The following AGFG1 variants were observed in gnomAD, a reference collection of about 807,000 sequenced individuals.
AGFG1 encodes the protein arf-GAP domain and FG repeat-containing protein 1.
Under a neutral mutation model 60.6 loss-of-function variants are expected in AGFG1, and 10 were observed. The ratio of observed to expected loss-of-function variants is 0.16; its 90% confidence interval spans 0.10 to 0.28. The LOEUF is 0.28. Among genes scored for constraint, AGFG1 ranks in the 10% least tolerant of loss-of-function variants. AGFG1 has a pLI of 1.00. For missense variants in AGFG1, 537 were observed against 676.5 expected (o/e 0.79, Z 2.29); for synonymous variants, 247 against 242.9 (o/e 1.02, Z -0.16).
At chr2:227,523,345 GTAATA>G (rs1691878666) in intron 3 of AGFG1, among the ~76,000 whole-genome samples, 1 of 152,072 alleles carries the variant, frequency 6.6e-6, no homozygotes, top group Non-Finnish European at 1.5e-5. Context: ...GCTGTTAACT[GTAATA>G]TTACAAATGT....
In AGFG1 at chr2:227,556,558, C is replaced by G. The variant is rs1692975911; in HGVS notation, c.*2063C>G. 1 of 152,484 alleles carries G rather than the reference C, an allele frequency of 6.6e-6. No homozygotes were observed. The highest frequency in any genetic ancestry group is 1.5e-5 in the Non-Finnish European group (1 of 68,022). 9.4% of individuals were successfully genotyped at this position (152,484 alleles called of 1,614,324 possible). A position where few individuals can be genotyped will look rare whatever the true frequency, so the allele number is the denominator to read the frequency against. On this transcript the variant is annotated 3_prime_UTR_variant, in exon 13 of 13. Coordinates refer to ENST00000310078, the MANE Select transcript of AGFG1 (RefSeq NM_004504.5). ...ATTTCTGTTTTAGATTGTATCGGGT[C>G]CCAGTTGATTCATGTGTACAAAGTT...
At chr2:227,525,878 G>A (rs1691975221) in intron 5 of AGFG1, among the ~76,000 whole-genome samples, 1 of 152,144 alleles carries the variant, frequency 6.6e-6, no homozygotes, top group Admixed American at 6.5e-5. Context: ...CAGTACCCGA[G>A]TCCATTGCAT....
At position 227,481,899 on chromosome 2, in the gene AGFG1, G is replaced by C. The variant is rs1236587644; in HGVS notation, c.167+9311G>C. ...TTTTTTTTTTTTGAGACAGAGTCTC[G>C]CTGTTGCCCAGGTTGGAGTGCAGGG... On this transcript the variant is annotated intron_variant, in intron 1 of 12. Transcript: ENST00000310078. Among the ~76,000 whole-genome samples, 4 of 129,868 alleles carry C rather than the reference G, an allele frequency of 3.1e-5. No individual in the cohort carries two copies. The East Asian group carries it at 6.5e-4, about 21-fold the overall frequency. The allele number at this position is 129,868 out of a possible 152,430, so 85.2% of individuals were successfully genotyped here.
At chr2:227,511,663 T>C (rs184086010) in intron 2 of AGFG1, among the ~76,000 whole-genome samples, 50 of 152,324 alleles carry the variant, frequency 3.3e-4, no homozygotes, top group Admixed American at 2.2e-3. Flanking sequence ...GAATTTCTAT[T>C]GTGCATACAT....
Position 227,557,227 on chromosome 2 carries a change from T to C in AGFG1, c.*2732T>C, listed in dbSNP as rs1334805096. 1.3e-5 allele frequency: 2 copies of C among 152,220 alleles called. No homozygotes were observed. The highest frequency in any genetic ancestry group is 4.8e-5 in the African/African-American group (2 of 41,454). The allele number at this position is 152,220 out of a possible 1,614,324, so 9.4% of individuals were successfully genotyped here. A position where few individuals can be genotyped will look rare whatever the true frequency, so the allele number is the denominator to read the frequency against. On this transcript the variant is annotated 3_prime_UTR_variant, in exon 13 of 13. Coordinates refer to ENST00000310078, the MANE Select transcript of AGFG1 (RefSeq NM_004504.5). ...GATCTTTTTTCAGGATGGCAAACTT[T>C]TGACATAGTTTAAAGACATTTTTTC... is the stretch of plus-strand genomic sequence containing the variant.
chr2:227,503,539 C>T (rs901034331), intron 2 of AGFG1, among the ~76,000 whole-genome samples: 13 of 152,168 alleles, frequency 8.5e-5, no homozygotes, highest in African/African-American at 3.1e-4. Flanking sequence ...GGAGACCAAG[C>T]TGGATTTTCT....
At chr2:227,524,938 T>C in intron 5 of AGFG1, 23 bp downstream of exon 5, 1 of 1,612,652 alleles carries the variant, frequency 6.2e-7, no homozygotes, top group Non-Finnish European at 8.5e-7. Flanking sequence ...TCCCAACAGC[T>C]TTTGCTGGGG....
At chr2:227,549,123 A>G (rs1182404284) in intron 10 of AGFG1, among the ~76,000 whole-genome samples, 1 of 151,992 alleles carries the variant, frequency 6.6e-6, no homozygotes, top group Non-Finnish European at 1.5e-5. Flanking sequence ...TTTATTCTTC[A>G]CAGCAGCTTT....
intron 2 of AGFG1, among the ~76,000 whole-genome samples, chr2:227,515,254 A>G (rs1691618062): frequency 6.6e-6 from 1 of 151,940 alleles, no homozygotes; most frequent in Non-Finnish European, 1.5e-5. Context: ...TTTTATTCTC[A>G]CTAGTGTTAA....
intron 1 of AGFG1, among the ~76,000 whole-genome samples, chr2:227,485,525 C>A (rs1006222027): frequency 6.6e-6 from 1 of 151,792 alleles, no homozygotes; most frequent in Non-Finnish European, 1.5e-5. Flanking sequence ...TGTGAGCCAC[C>A]GCACCCAGCC....
At chr2:227,548,077 A>G (rs899573249) in intron 10 of AGFG1, among the ~76,000 whole-genome samples, 1 of 152,220 alleles carries the variant, frequency 6.6e-6, no homozygotes, top group Non-Finnish European at 1.5e-5. Flanking sequence ...AGCAGAAGAA[A>G]CTCGTCACAA....
chr2:227,508,837 C>A (rs572684797), intron 2 of AGFG1, among the ~76,000 whole-genome samples: 15 of 152,010 alleles, frequency 9.9e-5, no homozygotes, highest in Non-Finnish European at 2.1e-4. Flanking sequence ...AGGATAGGCA[C>A]GGATCTGTAG....
chr2:227,527,727 A>G (rs1692038354), intron 5 of AGFG1, among the ~76,000 whole-genome samples: 1 of 152,208 alleles, frequency 6.6e-6, no homozygotes, highest in Admixed American at 6.5e-5. Context: ...GTCATTTTAT[A>G]GCTTTATTTT....
At chr2:227,482,027 C>T (rs373210892) in intron 1 of AGFG1, among the ~76,000 whole-genome samples, 13 of 151,786 alleles carry the variant, frequency 8.6e-5, no homozygotes, top group African/African-American at 2.7e-4. Flanking sequence ...CACCTTGCCC[C>T]GCTAATTTTT....
At chr2:227,542,504 G>A (rs1259009304) in intron 10 of AGFG1, among the ~76,000 whole-genome samples, 1 of 152,214 alleles carries the variant, frequency 6.6e-6, no homozygotes, top group Non-Finnish European at 1.5e-5. Flanking sequence ...TCCCAGGGGT[G>A]AAGCCAGCTT....
intron 1 of AGFG1, among the ~76,000 whole-genome samples, chr2:227,473,472 A>G (rs1270761611): frequency 6.6e-6 from 1 of 152,206 alleles, no homozygotes; most frequent in Non-Finnish European, 1.5e-5. Context: ...GAGGAGAGCT[A>G]GCAAGTCACC....
intron 10 of AGFG1, among the ~76,000 whole-genome samples, chr2:227,539,922 ACCTCC>A (rs751160225): frequency 7.2e-5 from 11 of 151,816 alleles, no homozygotes; most frequent in Admixed American, 3.3e-4. Context: ...TGCAGCCTCT[ACCTCC>A]CGGATTCAAG....
intron 3 of AGFG1, among the ~76,000 whole-genome samples, chr2:227,522,906 C>G (rs182615231): frequency 4.6e-5 from 7 of 152,328 alleles, no homozygotes; most frequent in East Asian, 1.9e-4. Flanking sequence ...GGAATCAAAT[C>G]TGAAAGACCT....
At chr2:227,514,027 G>C (rs1241727409) in intron 2 of AGFG1, among the ~76,000 whole-genome samples, 2 of 152,164 alleles carry the variant, frequency 1.3e-5, no homozygotes, top group African/African-American at 2.4e-5. Flanking sequence ...TAGAAGTTCA[G>C]AGGAGGGAGA....
Sources: gnomAD v4.1 joint callset for allele counts (sites outside exome capture counted in the v4.1 genomes callset) on GRCh38, gnomAD v4.1.1 for gene constraint, MANE v1.5 for transcripts, NCBI Gene and HGNC (gene_info 2026-07-23, HGNC 2026-07-21) for gene names.